The following RBFOX1 variants were observed in gnomAD, a reference collection of about 807,000 sequenced individuals.
RBFOX1 encodes the protein RNA binding protein fox-1 homolog 1.
Under a neutral mutation model 57.7 loss-of-function variants are expected in RBFOX1, and 8 were observed. The observed-to-expected ratio is 0.14, with a 90% confidence interval of 0.08 to 0.25. The LOEUF (loss-of-function observed/expected upper bound fraction) is 0.25. Among genes scored for constraint, RBFOX1 ranks in the 10% least tolerant of loss-of-function variants. The probability of loss-of-function intolerance (pLI) is 1.00; values close to 1 mark genes in which losing one functional copy is unlikely to be tolerated. For missense variants in RBFOX1, 611 were observed against 548.5 expected (o/e 1.11, Z -1.14); for synonymous variants, 326 against 222.4 (o/e 1.47, Z -4.15).
chr16:6,726,642 G>A (rs557552796), intron 3 of RBFOX1, among the ~76,000 whole-genome samples: 2 of 152,122 alleles, frequency 1.3e-5, no homozygotes, highest in Non-Finnish European at 2.9e-5. Flanking sequence ...TTTCAAACAG[G>A]TGTGCATGCC....
At chr16:6,840,897 A>AAAAG (rs1555518572) in intron 3 of RBFOX1, among the ~76,000 whole-genome samples, 2 of 137,494 alleles carry the variant, frequency 1.5e-5, no homozygotes. Flanking sequence ...CAAAAAAAAA[A>AAAAG]AAAAAAACGA....
At chr16:5,257,459 G>A (rs2062616154) in intron 1 of RBFOX1, among the ~76,000 whole-genome samples, 1 of 152,124 alleles carries the variant, frequency 6.6e-6, no homozygotes, top group Non-Finnish European at 1.5e-5. Flanking sequence ...TGTGCACAAG[G>A]CTGGTTTCTT....
chr16:5,763,883 A>C (rs1044298445), intron 3 of RBFOX1, among the ~76,000 whole-genome samples: 2 of 152,194 alleles, frequency 1.3e-5, no homozygotes, highest in African/African-American at 4.8e-5. Flanking sequence ...TGGGTTTCCC[A>C]GATCTCTTTT....
At chr16:7,283,093 T>G (rs2141235752) in intron 4 of RBFOX1, among the ~76,000 whole-genome samples, 1 of 152,234 alleles carries the variant, frequency 6.6e-6, no homozygotes, top group South Asian at 2.1e-4. Context: ...TATAACGACT[T>G]TTTTTCCTCT....
At chr16:5,965,769 C>T (rs1349221268) in intron 4 of RBFOX1, among the ~76,000 whole-genome samples, 1 of 152,130 alleles carries the variant, frequency 6.6e-6, no homozygotes, top group African/African-American at 2.4e-5. Flanking sequence ...GCAGAGTAGC[C>T]GTTCTGAGTG....
rs138117602 is a variant in RBFOX1 at position 5,331,711 on chromosome 16, T to C, written c.219+91606T>C. Among the ~76,000 whole-genome samples, 525 of 152,388 alleles carry C rather than the reference T, an allele frequency of 3.4e-3. 5 individuals are homozygous for C. The highest frequency in any genetic ancestry group is 0.012 in the African/African-American group (500 of 41,592). ...ATGGCCAGAGGGTATGGCTGCAGAA[T>C]GCAGTAAGAGGTGGGGACCATTCCT... is the stretch of plus-strand genomic sequence containing the variant. On this transcript the variant is annotated intron_variant, in intron 1 of 2. Coordinates refer to the RBFOX1 transcript ENST00000585867.
intron 3 of RBFOX1, among the ~76,000 whole-genome samples, chr16:5,769,025 G>T (rs2151669723): frequency 6.6e-6 from 1 of 151,928 alleles, no homozygotes; most frequent in Admixed American, 6.6e-5. Flanking sequence ...AAACAATTTT[G>T]TCAGCAGAAA....
chr16:6,134,300 C>T lies in RBFOX1; in HGVS notation c.-127+114308C>T, dbSNP rs184541605. ...AGCAGATATTGTGGTTGCAGTTTTA[C>T]GTATATTTTTACGGTTATTGGATTC... is the stretch of plus-strand genomic sequence containing the variant. On this transcript the variant is annotated intron_variant, in intron 1 of 15. Coordinates refer to ENST00000550418, the MANE Select transcript of RBFOX1 (RefSeq NM_018723.4). 1.8e-3 allele frequency among the ~76,000 whole-genome samples: 273 copies of T among 152,232 alleles called. 1 individual carries two copies. The highest frequency in any genetic ancestry group is 6.2e-3 in the African/African-American group (259 of 41,538).
chr16:5,255,112 GT>G (rs1309016529), intron 1 of RBFOX1, among the ~76,000 whole-genome samples: 3 of 152,162 alleles, frequency 2.0e-5, no homozygotes, highest in Non-Finnish European at 4.4e-5. Context: ...GTCAATGCCA[GT>G]TTTGACTTTC....
chr16:5,613,137 G>T (rs1031318105), intron 3 of RBFOX1, among the ~76,000 whole-genome samples: 1 of 152,222 alleles, frequency 6.6e-6, no homozygotes, highest in Non-Finnish European at 1.5e-5. Context: ...AGGGGCCTCA[G>T]TTGGAGCAGG....
intron 4 of RBFOX1, among the ~76,000 whole-genome samples, chr16:7,114,015 A>G (rs571193510): frequency 7.9e-5 from 12 of 152,314 alleles, no homozygotes; most frequent in East Asian, 3.9e-4. Context: ...TATTTGATCA[A>G]TAATGAATGT....
intron 3 of RBFOX1, among the ~76,000 whole-genome samples, chr16:5,657,882 C>T (rs2049504008): frequency 6.6e-6 from 1 of 151,794 alleles, no homozygotes; most frequent in African/African-American, 2.4e-5. Flanking sequence ...CAGGCATCCA[C>T]AACAACGCCA....
At chr16:5,599,290 C>A (rs1489916211) in exon 3 of RBFOX1, 1 of 634,594 alleles carries the variant, frequency 1.6e-6, no homozygotes, top group Admixed American at 2.5e-5. Context: ...GGTGTGACGG[C>A]CCCAGGTTGT....
At chr16:5,797,238 C>A (rs565414181) in intron 3 of RBFOX1, among the ~76,000 whole-genome samples, 100 of 152,228 alleles carry the variant, frequency 6.6e-4, no homozygotes, top group African/African-American at 2.2e-3. Context: ...CCTTTTGGAT[C>A]TTTGAAGGTA....
intron 3 of RBFOX1, among the ~76,000 whole-genome samples, chr16:6,908,295 C>T (rs1567825764): frequency 6.6e-6 from 1 of 151,692 alleles, no homozygotes; most frequent in South Asian, 2.1e-4. Context: ...CAGGCCTGCA[C>T]CCCCAGCCTC....
chr16:6,908,709 G>C (rs2070747190), intron 3 of RBFOX1, among the ~76,000 whole-genome samples: 1 of 152,014 alleles, frequency 6.6e-6, no homozygotes, highest in Non-Finnish European at 1.5e-5. Flanking sequence ...CAGGCTCCAG[G>C]GTCAGAATGC....
chr16:7,672,294 C>T (rs897842762), intron 13 of RBFOX1, among the ~76,000 whole-genome samples: 12 of 152,148 alleles, frequency 7.9e-5, no homozygotes, highest in African/African-American at 2.7e-4. Flanking sequence ...ACATTGAAAC[C>T]GTCAAATAAG....
At chr16:7,169,858 T>A (rs2080329928) in intron 4 of RBFOX1, among the ~76,000 whole-genome samples, 2 of 151,844 alleles carry the variant, frequency 1.3e-5, no homozygotes, top group African/African-American at 4.8e-5. Context: ...ATCGCTTGAG[T>A]CCAGGAGTTC....
intron 2 of RBFOX1, among the ~76,000 whole-genome samples, chr16:5,500,439 C>G (rs2043154686): frequency 6.6e-6 from 1 of 152,078 alleles, no homozygotes; most frequent in African/African-American, 2.4e-5. Flanking sequence ...CCCAGGCTGT[C>G]TTGAACTCCT....
Sources: gnomAD v4.1 joint callset for allele counts (sites outside exome capture counted in the v4.1 genomes callset) on GRCh38, gnomAD v4.1.1 for gene constraint, MANE v1.5 for transcripts, NCBI Gene and HGNC (gene_info 2026-07-23, HGNC 2026-07-21) for gene names.